Variants in ADAMTS3 observed in about 807,000 individuals in gnomAD.
ADAMTS3 encodes the protein ADAM metallopeptidase with thrombospondin type 1 motif 3, also known as A disintegrin and metalloproteinase with thrombospondin motifs 3.
Under a neutral mutation model 129.0 loss-of-function variants are expected in ADAMTS3, and 73 were observed. The ratio of observed to expected loss-of-function variants is 0.57; its 90% CI spans 0.47 to 0.69. ADAMTS3 has a LOEUF of 0.69. Ranked by LOEUF, ADAMTS3 falls within the 30% of genes least tolerant of loss-of-function variation. The pLI is 0.00. For synonymous variants in ADAMTS3, 477 were observed against 510.8 expected, an observed-to-expected ratio of 0.93 and a Z score of 0.89; for missense variants, 1,457 against 1,514.5, an observed-to-expected ratio of 0.96 and a Z score of 0.63.
At chr4:72,556,596 G>GA (rs1291885635) in intron 2 of ADAMTS3, among the ~76,000 whole-genome samples, 1 of 151,798 alleles carries the variant, frequency 6.6e-6, no homozygotes, top group Non-Finnish European at 1.5e-5. Context: ...TCCAAGCAAG[G>GA]AAGAGATTTG....
At chr4:72,549,088 AT>A (rs1479813847) in intron 2 of ADAMTS3, among the ~76,000 whole-genome samples, 4 of 152,154 alleles carry the variant, frequency 2.6e-5, no homozygotes, top group Non-Finnish European at 5.9e-5. Flanking sequence ...TCAATGAATC[AT>A]TTTTTACTTA....
In ADAMTS3 at chr4:72,323,075, T is replaced by G. The variant is rs1403380205; in HGVS notation, c.884A>C (p.Glu295Ala). The G allele has an allele frequency of 1.2e-6, 2 of 1,613,288 alleles. No individual in the cohort carries two copies. Reference protein sequence around the residue: ...MNIVNEIYHDESLGVHINVVL... With the variant: ...MNIVNEIYHDASLGVHINVVL... ...CACATTTATATGCACTCCGAGGGAC[T>G]CATCATGGTAAATTTCATTCACCTA... is the stretch of plus-strand genomic sequence containing the variant. The change falls in exon 6 of 22, where the codon GAG becomes GCG. Residue 295 changes from glutamate to alanine, a missense_variant. Coordinates refer to ENST00000286657, the MANE Select transcript of ADAMTS3 (RefSeq NM_014243.3).
chr4:72,370,312 A>AAT (rs1015859783), intron 4 of ADAMTS3, among the ~76,000 whole-genome samples: 4 of 152,022 alleles, frequency 2.6e-5, no homozygotes, highest in Non-Finnish European at 5.9e-5. Flanking sequence ...GGTGAGTGTA[A>AAT]ATATATATAT....
At chr4:72,545,318 G>A (rs1409892899) in intron 3 of ADAMTS3, among the ~76,000 whole-genome samples, 1 of 152,094 alleles carries the variant, frequency 6.6e-6, no homozygotes, top group African/African-American at 2.4e-5. Flanking sequence ...CCTATTTGAA[G>A]AAGGAGGAAA....
chr4:72,313,898 A>G, intron 11 of ADAMTS3, 76 bp from the exon 12 acceptor site: 2 of 1,534,202 alleles, frequency 1.3e-6, no homozygotes, highest in South Asian at 2.3e-5. Flanking sequence ...AGAACCATCT[A>G]GTTGAAGGGC....
intron 4 of ADAMTS3, 83 bp from the exon 5 acceptor site, chr4:72,339,776 AG>A (rs1230375779): frequency 9.0e-7 from 1 of 1,115,668 alleles, no homozygotes; most frequent in African/African-American, 1.6e-5. Flanking sequence ...GAATCTTCTC[AG>A]GGGCCTATCA....
Position 72,485,706 on chromosome 4 carries a change from A to G in ADAMTS3, c.504+62772T>C, listed in dbSNP as rs554215064. Among the ~76,000 whole-genome samples, 34 of 152,300 alleles carry G rather than the reference A, an allele frequency of 2.2e-4. No individual in the cohort carries two copies. In the South Asian group the frequency reaches 6.6e-3, roughly 30 times the overall value. On this transcript the variant is annotated intron_variant, in intron 3 of 21. Coordinates refer to ENST00000286657, the MANE Select transcript of ADAMTS3 (RefSeq NM_014243.3). ...TTACATTGTTCAATGCCTTCTAAAT[A>G]TAACAACTGCTATGGTCTGAATGTT... is the stretch of plus-strand genomic sequence containing the variant.
Position 72,420,161 on chromosome 4 carries a change from C to A in ADAMTS3, c.505-5190G>T, listed in dbSNP as rs1028683927. Among the ~76,000 whole-genome samples, 5 of 152,100 alleles carry A rather than the reference C, an allele frequency of 3.3e-5. No homozygotes were observed. In the East Asian group the frequency reaches 9.7e-4, roughly 30 times the overall value. On this transcript the variant is annotated intron_variant, in intron 3 of 21. Transcript: ENST00000286657. Reference sequence around the variant, plus strand: ...CTCACCTAGATTAATAACCAAAGTTCCTACCGAGTCCACCTAGGCCCTCCC... The same window carrying A: ...CTCACCTAGATTAATAACCAAAGTTACTACCGAGTCCACCTAGGCCCTCCC...
At chr4:72,303,467 G>A (rs1335536000) in intron 17 of ADAMTS3, among the ~76,000 whole-genome samples, 1 of 152,046 alleles carries the variant, frequency 6.6e-6, no homozygotes. Flanking sequence ...AAAAATGAGG[G>A]TGAAATAAAG....
chr4:72,342,032 T>C (rs1193058938), intron 4 of ADAMTS3, among the ~76,000 whole-genome samples: 3 of 152,220 alleles, frequency 2.0e-5, no homozygotes, highest in African/African-American at 7.2e-5. Context: ...AATGAATTTG[T>C]CTTAGTAAAA....
At chr4:72,360,104 G>A (rs1344331666) in intron 4 of ADAMTS3, among the ~76,000 whole-genome samples, 1 of 151,926 alleles carries the variant, frequency 6.6e-6, no homozygotes. Flanking sequence ...TTTTCACTAG[G>A]ATAAGGCCAT....
At chr4:72,353,435 G>T (rs1720494978) in intron 4 of ADAMTS3, among the ~76,000 whole-genome samples, 1 of 152,090 alleles carries the variant, frequency 6.6e-6, no homozygotes, top group Middle Eastern at 3.4e-3. Context: ...TCTGTAGCAG[G>T]GTCCTATGTC....
At chr4:72,419,678 C>T (rs1373785223) in intron 3 of ADAMTS3, among the ~76,000 whole-genome samples, 2 of 152,140 alleles carry the variant, frequency 1.3e-5, no homozygotes, top group African/African-American at 4.8e-5. Flanking sequence ...TGGCCCCAGA[C>T]AATTCTTCTT....
At position 72,298,503 on chromosome 4, in the gene ADAMTS3, A is replaced by T. The variant is rs189110959; in HGVS notation, c.2425-61T>A. 995 of 1,301,960 alleles carry T rather than the reference A, an allele frequency of 7.6e-4. 8 individuals carry two copies. In the African/African-American group the frequency reaches 0.013, roughly 17 times the overall value. The allele number at this position is 1,301,960 out of a possible 1,614,324, so 80.7% of individuals were successfully genotyped here. On this transcript the variant is annotated intron_variant, in intron 17 of 21. Transcript: ENST00000286657. Reference sequence around the variant, plus strand: ...GAGGGTTTTAAATTTTGAGTGTAAAATTACAAATATTTCAGAATATTGCTC... The same window carrying T: ...GAGGGTTTTAAATTTTGAGTGTAAATTTACAAATATTTCAGAATATTGCTC...
chr4:72,399,344 G>A (rs761340408), intron 4 of ADAMTS3, among the ~76,000 whole-genome samples: 25 of 151,940 alleles, frequency 1.6e-4, no homozygotes, highest in Non-Finnish European at 3.1e-4. Flanking sequence ...AAGGTAAGAG[G>A]ATTGCTTAAA....
chr4:72,352,280 A>G (rs1463789473), intron 4 of ADAMTS3, among the ~76,000 whole-genome samples: 1 of 152,016 alleles, frequency 6.6e-6, no homozygotes, highest in East Asian at 1.9e-4. Context: ...ATTTTCTTCA[A>G]ATACCAAAAG....
At chr4:72,332,656 C>T (rs1438938660) in intron 5 of ADAMTS3, among the ~76,000 whole-genome samples, 1 of 151,992 alleles carries the variant, frequency 6.6e-6, no homozygotes, top group African/African-American at 2.4e-5. Context: ...TAGATCTTAG[C>T]AAATAAAAAA....
intron 4 of ADAMTS3, among the ~76,000 whole-genome samples, chr4:72,354,051 T>C (rs79193600): frequency 2.0e-5 from 3 of 151,990 alleles, no homozygotes; most frequent in Non-Finnish European, 2.9e-5. Flanking sequence ...ACCAAAGGCA[T>C]TGGATGTGGA....
At chr4:72,313,633 T>G in intron 12 of ADAMTS3, 44 bp downstream of exon 12, 1 of 1,598,950 alleles carries the variant, frequency 6.3e-7, no homozygotes, top group Non-Finnish European at 8.5e-7. Flanking sequence ...TGAAGTATTT[T>G]CTGGTCTCTC....
Sources: allele counts gnomAD v4.1 joint callset (sites outside exome capture counted in the v4.1 genomes callset), GRCh38; gene constraint gnomAD v4.1.1; transcripts MANE v1.5; gene names NCBI Gene and HGNC (gene_info 2026-07-23, HGNC 2026-07-21).